The following EFCAB8 variants were observed in gnomAD, a reference collection of about 807,000 sequenced individuals.
EFCAB8 encodes the protein EF-hand calcium-binding domain-containing protein 8.
A neutral mutation model predicts 116.3 loss-of-function variants in EFCAB8; 100 were observed. The observed-to-expected ratio is 0.86, with a 90% CI of 0.73 to 1.02. EFCAB8 has a LOEUF of 1.02. EFCAB8 is among the 50% of genes least tolerant of loss of function. The probability of loss-of-function intolerance (pLI) is 0.00; values close to 1 mark genes in which losing one functional copy is unlikely to be tolerated. For missense variants in EFCAB8, 1,320 were observed against 1,416.9 expected (o/e 0.93, Z 1.10); for synonymous variants, 558 against 567.9 (o/e 0.98, Z 0.25).
rs139142781 is a variant in EFCAB8, at chr20:32,918,387, C to T, written c.2087C>T (p.Ala696Val). Residue 696 changes from alanine to valine, a missense_variant, in exon 19 of 27, where the codon GCT becomes GTT. Ala to Val is a moderately conservative substitution (Grantham distance 64). Transcript: ENST00000400522. ...GTGCAAGATGTGAACAACTGCCTGG[C>T]TGAGAGCCACAGGCCCAGCAGACCC... ...KRVQDVNNCL[A>V]ESHRPSRPYV... 6.4e-7 allele frequency: 1 copy of T among 1,551,748 alleles called. No individual in the cohort carries two copies. The highest frequency in any genetic ancestry group is 2.4e-5 in the East Asian group (1 of 40,920).
chr20:32,872,435 C>T (rs1033675785), intron 3 of EFCAB8, among the ~76,000 whole-genome samples: 6 of 152,110 alleles, frequency 3.9e-5, no homozygotes, highest in African/African-American at 1.5e-4. Flanking sequence ...GGGCAACAGG[C>T]TCATGCCTGC....
rs779654750 is a variant in EFCAB8, at chr20:32,939,125, C to CCCTTTCTTTCTTTCTT, written c.2791-4511_2791-4510insCCTTTCTTTCTTTCTT. Reference sequence around the variant, plus strand: ...CCTTCCTTTCTTTCTCTCTTTCTTTCTCTTTCTTTCTTTCTTTCTTTCTTT... The same window carrying CCCTTTCTTTCTTTCTT: ...CCTTCCTTTCTTTCTCTCTTTCTTTCCCTTTCTTTCTTTCTTTCTTTCTTTCTTTCTTTCTTTCTTT... On this transcript the variant is annotated intron_variant, in intron 22 of 26. Transcript: ENST00000400522. Among the ~76,000 whole-genome samples, 422 of 56,558 alleles carry CCCTTTCTTTCTTTCTT rather than the reference C, an allele frequency of 7.5e-3. 68 individuals carry two copies. Among genetic ancestry groups the CCCTTTCTTTCTTTCTT allele is most frequent in the Non-Finnish European group, 0.011 (292 of 27,760 alleles). 37.1% of individuals were successfully genotyped at this position (56,558 alleles called of 152,430 possible).
intron 23 of EFCAB8, 56 bp downstream of exon 23, chr20:32,943,860 G>A (rs1988490524): frequency 4.8e-6 from 2 of 415,904 alleles, no homozygotes; most frequent in African/African-American, 4.1e-5. Flanking sequence ...CTCTGTCCCT[G>A]TCTGAACATA....
At chr20:32,873,424 G>C (rs185662066) in intron 3 of EFCAB8, among the ~76,000 whole-genome samples, 1 of 151,770 alleles carries the variant, frequency 6.6e-6, no homozygotes, top group South Asian at 2.1e-4. Context: ...AAAAGTTGTA[G>C]ACAGGGGTTA....
intron 5 of EFCAB8, among the ~76,000 whole-genome samples, chr20:32,880,814 G>A (rs1456980951): frequency 6.6e-6 from 1 of 152,094 alleles, no homozygotes; most frequent in African/African-American, 2.4e-5. Context: ...GGTTTTTAGT[G>A]GAAGCTTCAT....
intron 23 of EFCAB8, among the ~76,000 whole-genome samples, chr20:32,951,152 A>G (rs958240216): frequency 6.6e-6 from 1 of 152,250 alleles, no homozygotes; most frequent in Non-Finnish European, 1.5e-5. Context: ...TTTCTTAAAA[A>G]GTTAAATGTG....
chr20:32,941,883 G>A (rs1488835608), intron 22 of EFCAB8, among the ~76,000 whole-genome samples: 2 of 152,256 alleles, frequency 1.3e-5, no homozygotes, highest in East Asian at 3.9e-4. Context: ...GTTGTGTTTA[G>A]ATATTACTAA....
intron 23 of EFCAB8, among the ~76,000 whole-genome samples, chr20:32,957,025 A>G (rs752050638): frequency 4.2e-5 from 6 of 143,828 alleles, no homozygotes; most frequent in African/African-American, 1.0e-4. Flanking sequence ...CACGAATCCT[A>G]TCCTCTTCTG....
chr20:32,921,831 CTT>C (rs11483441), intron 20 of EFCAB8, among the ~76,000 whole-genome samples: 4 of 130,204 alleles, frequency 3.1e-5, no homozygotes, highest in Non-Finnish European at 3.2e-5. Context: ...TTACCTTATT[CTT>C]TTTTTTTTTT....
intron 5 of EFCAB8, among the ~76,000 whole-genome samples, chr20:32,880,636 A>T (rs576543052): frequency 3.9e-5 from 6 of 152,342 alleles, no homozygotes; most frequent in Middle Eastern, 3.4e-3. Flanking sequence ...GAATGATAAG[A>T]GATTTCATAA....
At chr20:32,913,652 T>G (rs1445175987) in intron 17 of EFCAB8, among the ~76,000 whole-genome samples, 1 of 150,686 alleles carries the variant, frequency 6.6e-6, no homozygotes, top group African/African-American at 2.5e-5. Flanking sequence ...TATGGGTGAG[T>G]CTCAAGCTAC....
At chr20:32,859,518 CTG>C (rs569339125) in intron 1 of EFCAB8, among the ~76,000 whole-genome samples, 163 of 152,310 alleles carry the variant, frequency 1.1e-3, no homozygotes, top group African/African-American at 3.7e-3. Context: ...CGTTTTACCT[CTG>C]TTCATGAACA....
In EFCAB8 at chr20:32,889,302, T is replaced by C; in HGVS notation, c.569T>C (p.Leu190Pro). The change falls in exon 7 of 27, where the codon CTT (leucine) becomes CCT (proline). Residue 190 changes from leucine to proline, a missense_variant and splice_region_variant. Physicochemically the swap from Leu to Pro is moderately conservative, Grantham distance 98 (BLOSUM62 -3). Transcript: ENST00000400522. ...CTCCTCTGCTCTTCCTCTGGCCAGC[T>C]TAACCAGACCCAGCAGCTCTACAAC... ...ESFSLMSSFR[L>P]NQTQQLYNQP... The C allele has an allele frequency of 1.3e-6, 2 of 1,551,600 alleles. No homozygotes were observed. Among genetic ancestry groups the C allele is most frequent in the East Asian group, 4.9e-5 (2 of 40,908 alleles).
intron 6 of EFCAB8, 24 bp from the exon 7 acceptor site, chr20:32,889,277 C>G: frequency 6.5e-7 from 1 of 1,549,680 alleles, no homozygotes. Flanking sequence ...CCCAGCCCAT[C>G]TCCTCTGCTC....
chr20:32,949,954 C>T (rs6088045), intron 23 of EFCAB8, among the ~76,000 whole-genome samples: 6,481 of 152,252 alleles, frequency 0.043, 172 homozygotes, highest in Non-Finnish European at 0.067. Context: ...GAGCCAAGAT[C>T]GCACCACTGC....
chr20:32,871,001 G>A (rs1457650455), intron 3 of EFCAB8, among the ~76,000 whole-genome samples: 1 of 151,932 alleles, frequency 6.6e-6, no homozygotes, highest in Non-Finnish European at 1.5e-5. Flanking sequence ...TGGGACTACA[G>A]GCACGCACCA....
intron 3 of EFCAB8, among the ~76,000 whole-genome samples, chr20:32,870,524 G>A (rs549360460): frequency 3.9e-5 from 6 of 152,112 alleles, no homozygotes; most frequent in African/African-American, 1.4e-4. Context: ...TTAGGGACAG[G>A]GTCTCGCTTG....
intron 3 of EFCAB8, among the ~76,000 whole-genome samples, chr20:32,869,353 A>G (rs1335009398): frequency 6.6e-6 from 1 of 151,776 alleles, no homozygotes; most frequent in East Asian, 1.9e-4. Flanking sequence ...CTCCTGTCTC[A>G]GCCTCCCAAG....
At chr20:32,953,344 G>C (rs564707268) in intron 23 of EFCAB8, among the ~76,000 whole-genome samples, 14 of 152,288 alleles carry the variant, frequency 9.2e-5, no homozygotes, top group Middle Eastern at 6.8e-3. Context: ...TAAATACCCA[G>C]TAGTGGGATT....
Sources: gnomAD v4.1 joint callset for allele counts (sites outside exome capture counted in the v4.1 genomes callset) on GRCh38, gnomAD v4.1.1 for gene constraint, MANE v1.5 for transcripts, NCBI Gene and HGNC (gene_info 2026-07-23, HGNC 2026-07-21) for gene names.